Variants in WWP1 observed in about 807,000 individuals in gnomAD.
WWP1 encodes the protein NEDD4-like E3 ubiquitin-protein ligase WWP1.
WWP1 carries 49 observed loss-of-function variants against 130.6 expected under a neutral mutation model. That is an observed-to-expected ratio of 0.38 (90% CI 0.30 to 0.48). The LOEUF is 0.48. Among genes scored for constraint, WWP1 ranks in the 20% least tolerant of loss-of-function variants. The probability of loss-of-function intolerance (pLI) is 0.99; values close to 1 mark genes in which losing one functional copy is unlikely to be tolerated. For synonymous variants in WWP1, 332 were observed against 367.8 expected, an observed-to-expected ratio of 0.90 and a Z score of 1.11; for missense variants, 809 against 1,100.6, an observed-to-expected ratio of 0.74 and a Z score of 3.75.
At chr8:86,403,365 G>A (rs1808105951) in intron 8 of WWP1, among the ~76,000 whole-genome samples, 1 of 152,074 alleles carries the variant, frequency 6.6e-6, no homozygotes, top group African/African-American at 2.4e-5. Flanking sequence ...GCAGGATTTC[G>A]GCTCACTGCA....
intron 5 of WWP1, among the ~76,000 whole-genome samples, chr8:86,389,412 C>G (rs1586326760): frequency 1.3e-5 from 2 of 152,210 alleles, no homozygotes; most frequent in South Asian, 2.1e-4. Flanking sequence ...TCTTGCACCC[C>G]CCTTAATCCA....
Position 86,411,753 on chromosome 8 carries a change from G to A in WWP1, c.940G>A (p.Asp314Asn). 6.2e-7 allele frequency: 1 copy of A among 1,614,096 alleles called. No homozygotes were observed. Among genetic ancestry groups the A allele is most frequent in the Non-Finnish European group, 8.5e-7 (1 of 1,179,956 alleles). Residue 314 changes from aspartate (D) to asparagine (N), a missense_variant, in exon 9 of 25, where the codon GAC becomes AAC. Physicochemically the swap from Asp to Asn is conservative, Grantham distance 23 (BLOSUM62 1). Transcript: ENST00000517970. ...TGAAGCTAGAAGTATATTAGAGCCT[G>A]ACACCTCTAATTCTAGAAGTAGTTC... ...ESEARSILEPDTSNSRSSSAF... is the reference protein window; with the variant it reads ...ESEARSILEPNTSNSRSSSAF...
rs545578194 is a variant in WWP1 at position 86,382,621 on chromosome 8, C to A, written c.334+992C>A. Among the ~76,000 whole-genome samples, 207 of 152,290 alleles carry A rather than the reference C, an allele frequency of 1.4e-3. 2 individuals are homozygous for A. The highest frequency in any genetic ancestry group is 4.7e-3 in the African/African-American group (196 of 41,564). Reference sequence around the variant, plus strand: ...GGCTGAGGCAGGAGAATCGCTTGAACCCGGGAGGTGGAGGTTGCAGTGAGC... The same window carrying A: ...GGCTGAGGCAGGAGAATCGCTTGAAACCGGGAGGTGGAGGTTGCAGTGAGC... On this transcript the variant is annotated intron_variant, in intron 5 of 24. Transcript: ENST00000517970.
intron 24 of WWP1, among the ~76,000 whole-genome samples, chr8:86,463,453 C>T (rs1178400809): frequency 4.0e-5 from 6 of 151,846 alleles, no homozygotes; most frequent in Non-Finnish European, 7.4e-5. Context: ...ATTATAGGCG[C>T]GCACCACCAC....
At chr8:86,364,035 T>C (rs78759156) in intron 1 of WWP1, among the ~76,000 whole-genome samples, 8,263 of 152,242 alleles carry the variant, frequency 0.054, 317 homozygotes, top group Non-Finnish European at 0.086. Context: ...ATTGCTCTGA[T>C]CATATTTTCT....
chr8:86,352,285 C>T (rs1237719091), intron 1 of WWP1, among the ~76,000 whole-genome samples: 2 of 151,834 alleles, frequency 1.3e-5, no homozygotes, highest in South Asian at 2.1e-4. Context: ...AGTGCAGTGG[C>T]GCTATCTCGG....
chr8:86,390,891 T>C (rs1424470227), intron 5 of WWP1, among the ~76,000 whole-genome samples: 2 of 152,194 alleles, frequency 1.3e-5, no homozygotes, highest in African/African-American at 4.8e-5. Context: ...ATTTCTTCCT[T>C]TGTTAAGGCT....
At chr8:86,363,130 C>A (rs1823765887) in intron 1 of WWP1, among the ~76,000 whole-genome samples, 1 of 152,080 alleles carries the variant, frequency 6.6e-6, no homozygotes, top group Non-Finnish European at 1.5e-5. Flanking sequence ...GGGGCAGTCT[C>A]CATTCTACAA....
intron 18 of WWP1, among the ~76,000 whole-genome samples, chr8:86,444,884 T>A (rs1563539917): frequency 6.6e-6 from 1 of 152,112 alleles, no homozygotes; most frequent in Non-Finnish European, 1.5e-5. Flanking sequence ...CTAAGTATCT[T>A]AGTCTGTTTT....
chr8:86,371,737 GT>G (rs888881540), intron 2 of WWP1, among the ~76,000 whole-genome samples: 2 of 152,080 alleles, frequency 1.3e-5, no homozygotes, highest in Non-Finnish European at 2.9e-5. Context: ...TCTTTAATTA[GT>G]TTTTTGTTTC....
intron 5 of WWP1, among the ~76,000 whole-genome samples, chr8:86,385,591 A>T (rs1279545607): frequency 6.6e-6 from 1 of 152,214 alleles, no homozygotes; most frequent in African/African-American, 2.4e-5. Context: ...CCAGAAGTAT[A>T]TGTGGGGGCT....
At chr8:86,374,310 A>G (rs62509423) in intron 3 of WWP1, among the ~76,000 whole-genome samples, 190 bp downstream of exon 3, 2,789 of 152,304 alleles carry the variant, frequency 0.018, 38 homozygotes, top group Non-Finnish European at 0.022. Context: ...TATTGAACCT[A>G]TGCTGGATGA....
intron 20 of WWP1, among the ~76,000 whole-genome samples, chr8:86,450,940 G>A (rs1811137203): frequency 6.6e-6 from 1 of 151,926 alleles, no homozygotes; most frequent in African/African-American, 2.4e-5. Flanking sequence ...ATGAGAGGCT[G>A]GTGGCTCCTG....
chr8:86,394,465 C>G (rs1437588439), intron 5 of WWP1, among the ~76,000 whole-genome samples: 1 of 152,222 alleles, frequency 6.6e-6, no homozygotes, highest in Non-Finnish European at 1.5e-5. Flanking sequence ...TGGACAAGAT[C>G]TCTGCTCTGC....
chr8:86,461,955 CAG>C, intron 24 of WWP1, 109 bp downstream of exon 24: 4 of 838,128 alleles, frequency 4.8e-6, no homozygotes, highest in Non-Finnish European at 5.8e-6. Context: ...TTAAAGTAGT[CAG>C]AATTTCAATT....
intron 9 of WWP1, among the ~76,000 whole-genome samples, chr8:86,415,955 A>C (rs965531976): frequency 6.6e-6 from 1 of 152,206 alleles, no homozygotes; most frequent in Non-Finnish European, 1.5e-5. Flanking sequence ...TAAATAAGTG[A>C]ATTTGTGCTA....
intron 11 of WWP1, among the ~76,000 whole-genome samples, chr8:86,430,416 G>C (rs1809872344): frequency 6.6e-6 from 1 of 151,854 alleles, no homozygotes; most frequent in Non-Finnish European, 1.5e-5. Context: ...AAGTAGCTGG[G>C]ACTTTAGGCA....
intron 24 of WWP1, among the ~76,000 whole-genome samples, chr8:86,464,530 T>TC (rs960506266): frequency 2.0e-5 from 3 of 152,246 alleles, no homozygotes; most frequent in East Asian, 1.9e-4. Flanking sequence ...ATTTTTTTTT[T>TC]CCCAAGATAG....
chr8:86,415,752 CTT>C (rs931379704), intron 9 of WWP1, among the ~76,000 whole-genome samples: 2 of 152,166 alleles, frequency 1.3e-5, no homozygotes, highest in Admixed American at 6.6e-5. Flanking sequence ...AGTATGAACT[CTT>C]TTGAGTAGGC....
Sources: gnomAD v4.1 joint callset for allele counts (sites outside exome capture counted in the v4.1 genomes callset) on GRCh38, gnomAD v4.1.1 for gene constraint, MANE v1.5 for transcripts, NCBI Gene and HGNC (gene_info 2026-07-23, HGNC 2026-07-21) for gene names.